The following OSBPL10 variants were observed in gnomAD, a reference collection of about 807,000 sequenced individuals.
OSBPL10 encodes the protein oxysterol-binding protein-related protein 10.
Under a neutral mutation model 81.7 loss-of-function variants are expected in OSBPL10, and 49 were observed. The ratio of observed to expected loss-of-function variants is 0.60; its 90% CI spans 0.48 to 0.76. The LOEUF (loss-of-function observed/expected upper bound fraction) is 0.76, where lower values mean the gene tolerates loss of function less well. OSBPL10 is among the 30% of genes least tolerant of loss of function. The pLI is 0.00. For synonymous variants in OSBPL10, 419 were observed against 383.6 expected (o/e 1.09, Z -1.08); for missense variants, 923 against 987.8 (o/e 0.93, Z 0.88).
intron 1 of OSBPL10, among the ~76,000 whole-genome samples, chr3:32,066,161 A>AAGGAAGGAAGG (rs1699778963): frequency 1.9e-5 from 1 of 53,430 alleles, no homozygotes; most frequent in African/African-American, 4.6e-5. Flanking sequence ...AGAAAGGAAG[A>AAGGAAGGAAGG]AAGGAAGGAA....
At chr3:31,754,148 C>T (rs1256515826) in intron 4 of OSBPL10, among the ~76,000 whole-genome samples, 3 of 139,740 alleles carry the variant, frequency 2.1e-5, no homozygotes, top group Admixed American at 7.0e-5. Context: ...GCACAACATA[C>T]ACCTAAAATG....
chr3:31,889,159 G>A (rs1292656981), intron 1 of OSBPL10, among the ~76,000 whole-genome samples: 1 of 152,108 alleles, frequency 6.6e-6, no homozygotes, highest in African/African-American at 2.4e-5. Flanking sequence ...AACAAATGCT[G>A]GTGAAGATAC....
intron 3 of OSBPL10, among the ~76,000 whole-genome samples, chr3:31,870,773 C>T (rs1490577940): frequency 6.6e-6 from 1 of 152,124 alleles, no homozygotes; most frequent in Admixed American, 6.5e-5. Context: ...ACCTTTATGT[C>T]TAGCTCAGGG....
chr3:31,986,416 A>G (rs896035156), intron 2 of OSBPL10: 3 of 152,162 alleles, frequency 2.0e-5, no homozygotes, highest in Non-Finnish European at 4.4e-5. Context: ...TAAGGTATGG[A>G]CAGTCCACTA....
chr3:31,870,978 T>C (rs1243795348), intron 3 of OSBPL10, among the ~76,000 whole-genome samples: 2 of 152,258 alleles, frequency 1.3e-5, no homozygotes, highest in African/African-American at 4.8e-5. Context: ...GGAGAACCTT[T>C]GTGTCTAGCT....
At chr3:31,681,711 A>C (rs1170463023) in intron 8 of OSBPL10, among the ~76,000 whole-genome samples, 1 of 152,094 alleles carries the variant, frequency 6.6e-6, no homozygotes, top group Non-Finnish European at 1.5e-5. Flanking sequence ...ACCCCTCATC[A>C]GTCTCCTCGG....
Position 31,668,773 on chromosome 3 carries a change from G to C in OSBPL10, c.1965C>G (p.Ala655=), listed in dbSNP as rs1297144929. 6.2e-7 allele frequency: 1 copy of C among 1,613,756 alleles called. No individual in the cohort carries two copies. Among genetic ancestry groups the C allele is most frequent in the Non-Finnish European group, 8.5e-7 (1 of 1,179,806 alleles). ...CTAAAGTACCATTCCATTCCCCATG[G>C]GCTTTACAAACAATGGTGTTGGTTG... ...HNPTNTIVCK[A]HGEWNGTLEF... Residue 655 remains alanine, a synonymous_variant, in exon 10 of 12, where the codon GCC becomes GCG. Coordinates refer to ENST00000396556, the MANE Select transcript of OSBPL10 (RefSeq NM_017784.5).
In OSBPL10 at chr3:31,683,818, G is replaced by A. The variant is rs143777503; in HGVS notation, c.1542C>T (p.His514=). The part of the protein sequence containing the change: ...ASRSPASCHE[H]PMADDPSKSY... ...TTTTGGAAGGGTCATCGGCCATTGG[G>A]TGTTCGTGACAGCTGGCAGGAGAGC... The change falls in exon 8 of 12, where the codon CAC becomes CAT. Residue 514 remains histidine (H), a synonymous_variant. Transcript: ENST00000396556. 1.4e-3 allele frequency: 2,305 copies of A among 1,614,232 alleles called. 8 individuals are homozygous for A. The highest frequency in any genetic ancestry group is 5.3e-3 in the Middle Eastern group (32 of 6,062).
chr3:31,857,078 C>T (rs2125588221), intron 3 of OSBPL10, among the ~76,000 whole-genome samples: 1 of 152,254 alleles, frequency 6.6e-6, no homozygotes, highest in African/African-American at 2.4e-5. Flanking sequence ...TTCATGTGGG[C>T]AGTACTAACC....
chr3:31,907,722 T>C (rs1696452992), intron 1 of OSBPL10, among the ~76,000 whole-genome samples: 1 of 151,618 alleles, frequency 6.6e-6, no homozygotes, highest in South Asian at 2.1e-4. Flanking sequence ...GAATTTTTGG[T>C]CTATAGTTTA....
intron 4 of OSBPL10, among the ~76,000 whole-genome samples, chr3:31,787,584 G>C (rs1343387178): frequency 8.3e-6 from 1 of 120,572 alleles, no homozygotes. Flanking sequence ...GACAGAGCAA[G>C]ACTCCGCCTC....
chr3:31,681,939 T>C (rs545792416), intron 8 of OSBPL10, among the ~76,000 whole-genome samples: 1 of 152,304 alleles, frequency 6.6e-6, no homozygotes, highest in South Asian at 2.1e-4. Flanking sequence ...TCCTTCAAAG[T>C]AGCCCAATAC....
chr3:31,780,231 T>C (rs1378499769), intron 4 of OSBPL10, among the ~76,000 whole-genome samples: 3 of 152,060 alleles, frequency 2.0e-5, no homozygotes, highest in Non-Finnish European at 4.4e-5. Context: ...AGGCAGAGCT[T>C]GCAGTGAGCC....
At chr3:31,826,356 T>C (rs1322070402) in intron 4 of OSBPL10, among the ~76,000 whole-genome samples, 1 of 152,248 alleles carries the variant, frequency 6.6e-6, no homozygotes, top group Non-Finnish European at 1.5e-5. Flanking sequence ...TTCCTCCTGA[T>C]GATATTGTCT....
At chr3:31,832,037 A>G (rs1700254867) in intron 3 of OSBPL10, among the ~76,000 whole-genome samples, 1 of 152,252 alleles carries the variant, frequency 6.6e-6, no homozygotes, top group African/African-American at 2.4e-5. Context: ...GAATACTACC[A>G]AGCTGTAAGA....
rs564866767 is a variant in OSBPL10, at chr3:31,828,105, T to C, written c.729+1935A>G. On this transcript the variant is annotated intron_variant, in intron 4 of 11. Coordinates refer to ENST00000396556, the MANE Select transcript of OSBPL10 (RefSeq NM_017784.5). ...AATATTATCAAAATACCATAAACTT[T>C]CAACTGCCTTTGTTCAAGGTTATGG... is the stretch of plus-strand genomic sequence containing the variant. Among the ~76,000 whole-genome samples, 378 of 152,332 alleles carry C rather than the reference T, an allele frequency of 2.5e-3. 1 individual carries two copies. The highest frequency in any genetic ancestry group is 3.4e-3 in the Middle Eastern group (1 of 294).
rs1263584783 is a variant in OSBPL10, at chr3:31,820,714, C to T, written c.729+9326G>A. The stretch of plus-strand genomic sequence containing the variant: ...GTGTGCCCAGGACACAGTGAGAAGC[C>T]GCTGTAAGTGTACAATGCAGTTGGC... On this transcript the variant is annotated intron_variant, in intron 4 of 11. Transcript: ENST00000396556. Among the ~76,000 whole-genome samples the T allele has an allele frequency of 4.6e-5, 7 of 152,210 alleles. No homozygotes were observed. In the South Asian group the frequency reaches 8.3e-4, roughly 18 times the overall value.
rs7647279 is a variant in OSBPL10 at position 31,795,927 on chromosome 3, A to G, written c.729+34113T>C. The stretch of plus-strand genomic sequence containing the variant: ...TGCATCAGAGGGTTCACACTGGAGA[A>G]GGGCCATATGAATGCAATGAACATG... On this transcript the variant is annotated intron_variant, in intron 4 of 11. Coordinates refer to ENST00000396556, the MANE Select transcript of OSBPL10 (RefSeq NM_017784.5). 4.9e-3 allele frequency: 1,145 copies of G among 235,674 alleles called. 14 individuals carry two copies. Among genetic ancestry groups the G allele is most frequent in the African/African-American group, 0.025 (1,091 of 43,534 alleles). The allele number at this position is 235,674 out of a possible 1,614,324, so 14.6% of individuals were successfully genotyped here.
intron 4 of OSBPL10, among the ~76,000 whole-genome samples, chr3:31,826,640 C>T (rs957523102): frequency 6.6e-6 from 1 of 152,200 alleles, no homozygotes; most frequent in African/African-American, 2.4e-5. Context: ...CTTCCCTGAA[C>T]AGCTGGGTTA....
Sources: allele counts gnomAD v4.1 joint callset (sites outside exome capture counted in the v4.1 genomes callset), GRCh38; gene constraint gnomAD v4.1.1; transcripts MANE v1.5; gene names NCBI Gene and HGNC (gene_info 2026-07-23, HGNC 2026-07-21).